The following AASDHPPT variants were observed in gnomAD, a reference collection of about 807,000 sequenced individuals.
The protein encoded by AASDHPPT is aminoadipate-semialdehyde dehydrogenase-phosphopantetheinyl transferase.
Under a neutral mutation model 36.4 loss-of-function variants are expected in AASDHPPT, and 23 were observed. The ratio of observed to expected loss-of-function variants is 0.63; its 90% confidence interval spans 0.45 to 0.89. The LOEUF (loss-of-function observed/expected upper bound fraction) is 0.89. Ranked by LOEUF, AASDHPPT falls within the 40% of genes least tolerant of loss-of-function variation. AASDHPPT has a pLI of 0.00. For missense variants in AASDHPPT, 377 were observed against 378.2 expected (o/e 1.00, Z 0.03); for synonymous variants, 115 against 128.0 (o/e 0.90, Z 0.68).
At chr11:106,079,749 G>T in intron 2 of AASDHPPT, 57 bp downstream of exon 2, 1 of 1,430,114 alleles carries the variant, frequency 7.0e-7, no homozygotes, top group Non-Finnish European at 9.8e-7. Flanking sequence ...CAGTTCTATT[G>T]CTATTGAGTA....
chr11:106,096,064 C>T (rs1324188326), intron 5 of AASDHPPT, among the ~76,000 whole-genome samples: 1 of 152,102 alleles, frequency 6.6e-6, no homozygotes, highest in Non-Finnish European at 1.5e-5. Context: ...TTTGCTCTTC[C>T]TGAGCCTCAG....
chr11:106,082,261 A>T (rs1020476653), intron 2 of AASDHPPT, among the ~76,000 whole-genome samples: 1 of 152,196 alleles, frequency 6.6e-6, no homozygotes. Context: ...CATGCTACTG[A>T]TTCCTGAAGC....
At position 106,098,338 on chromosome 11, in the gene AASDHPPT, A is replaced by G. The variant is rs929783148; in HGVS notation, c.*1431A>G. The G allele has an allele frequency of 1.3e-5, 2 of 152,140 alleles. No individual in the cohort carries two copies. The highest frequency in any genetic ancestry group is 4.8e-5 in the African/African-American group (2 of 41,454). The allele number at this position is 152,140 out of a possible 1,614,324, so 9.4% of individuals were successfully genotyped here. Reference sequence around the variant, plus strand: ...ACTTAATTTAAAGTGTGAACTTAATATATAAGATGCCAGGACCATCATATT... The same window carrying G: ...ACTTAATTTAAAGTGTGAACTTAATGTATAAGATGCCAGGACCATCATATT... On this transcript the variant is annotated 3_prime_UTR_variant, in exon 6 of 6. Coordinates refer to ENST00000278618, the MANE Select transcript of AASDHPPT (RefSeq NM_015423.3).
In AASDHPPT at chr11:106,084,945, T is replaced by C. The variant is rs1038072581; in HGVS notation, c.409+5253T>C. 3.3e-5 allele frequency among the ~76,000 whole-genome samples: 5 copies of C among 152,226 alleles called. No individual in the cohort carries two copies. The East Asian group carries it at 9.7e-4, about 30-fold the overall frequency. On this transcript the variant is annotated intron_variant, in intron 2 of 5. Transcript: ENST00000278618. ...TCCATATTTAAACAATATTCCCAGC[T>C]GATAGACATATTAATGTTTGGGAAA...
rs116748678 is a variant in AASDHPPT, at chr11:106,082,411, A to G, written c.409+2719A>G. Among the ~76,000 whole-genome samples the G allele has an allele frequency of 5.8e-3, 882 of 152,312 alleles. 9 individuals are homozygous for G. Among genetic ancestry groups the G allele is most frequent in the African/African-American group, 0.019 (794 of 41,566 alleles). ...GGATTTTTCCTAAGAGTCTTGCTAA[A>G]TGATGCTAGGCAAAACTTAGGAGAG... On this transcript the variant is annotated intron_variant, in intron 2 of 5. Transcript: ENST00000278618.
chr11:106,078,418 C>T (rs1861090835), intron 1 of AASDHPPT, among the ~76,000 whole-genome samples: 1 of 152,086 alleles, frequency 6.6e-6, no homozygotes, highest in South Asian at 2.1e-4. Flanking sequence ...GAGAGGATAC[C>T]TTCCTCACTA....
Position 106,088,818 on chromosome 11 carries a change from A to G in AASDHPPT, c.410-1739A>G, listed in dbSNP as rs1400209711. On this transcript the variant is annotated intron_variant, in intron 2 of 5. Coordinates refer to ENST00000278618, the MANE Select transcript of AASDHPPT (RefSeq NM_015423.3). ...TGAACTCTTAAGATCACAATTTAAT[A>G]TTTCGGTGCCTAAAAATGAATGAGG... Among the ~76,000 whole-genome samples, 3 of 152,212 alleles carry G rather than the reference A, an allele frequency of 2.0e-5. No homozygotes were observed. In the East Asian group the frequency reaches 5.8e-4, roughly 29 times the overall value.
chr11:106,084,855 A>G (rs9943675), intron 2 of AASDHPPT, among the ~76,000 whole-genome samples: 152,177 of 152,182 alleles, frequency 1, 76,086 homozygotes, highest in Middle Eastern at 1. Context: ...CCTCAGGTGA[A>G]CTGCCCGCCT....
rs767345048 is a variant in AASDHPPT at position 106,091,373 on chromosome 11, CG to C, written c.591del (p.Glu199AsnfsTer7). ...TGTTGGACTAGGATTTGAATTGCAG[CG>C]GCTTGAATTTGATCTATCTCCATTA... ...IGVGLGFELQ[R>X]LEFDLSPLNL... On this transcript the variant is annotated frameshift_variant, in exon 4 of 6. Coordinates refer to ENST00000278618, the MANE Select transcript of AASDHPPT (RefSeq NM_015423.3). LOFTEE classifies it high-confidence loss of function. The C allele has an allele frequency of 6.2e-7, 1 of 1,607,352 alleles. No individual in the cohort carries two copies. Among genetic ancestry groups the C allele is most frequent in the Non-Finnish European group, 8.5e-7 (1 of 1,177,180 alleles).
intron 5 of AASDHPPT, among the ~76,000 whole-genome samples, chr11:106,095,132 A>AG (rs1442200888): frequency 6.6e-6 from 1 of 152,230 alleles, no homozygotes; most frequent in Non-Finnish European, 1.5e-5. Flanking sequence ...CTCAAAAAAA[A>AG]GAAATGTTAC....
At chr11:106,090,412 T>G (rs1861243227) in intron 2 of AASDHPPT, 145 bp from the exon 3 acceptor site, 1 of 570,068 alleles carries the variant, frequency 1.8e-6, no homozygotes, top group South Asian at 3.1e-5. Context: ...TGCCGAGATT[T>G]TGTTTAGGAT....
chr11:106,080,501 C>G (rs977561163), intron 2 of AASDHPPT, among the ~76,000 whole-genome samples: 1 of 151,948 alleles, frequency 6.6e-6, no homozygotes, highest in South Asian at 2.1e-4. Context: ...TTGAATGTAC[C>G]CAGGCAATTT....
intron 1 of AASDHPPT, among the ~76,000 whole-genome samples, chr11:106,079,029 T>TA (rs1861100660): frequency 6.6e-6 from 1 of 152,124 alleles, no homozygotes; most frequent in African/African-American, 2.4e-5. Context: ...AAAGGGGAAA[T>TA]AATATTATGA....
intron 1 of AASDHPPT, among the ~76,000 whole-genome samples, chr11:106,078,528 C>G (rs1304944729): frequency 6.6e-6 from 1 of 152,162 alleles, no homozygotes; most frequent in Non-Finnish European, 1.5e-5. Context: ...GTAATCTGTA[C>G]AATATGGTGC....
rs1861318851 is a variant in AASDHPPT at position 106,096,811 on chromosome 11, G to A, written c.834G>A (p.Met278Ile). The A allele has an allele frequency of 6.2e-7, 1 of 1,611,236 alleles. No individual in the cohort carries two copies. Among genetic ancestry groups the A allele is most frequent in the Non-Finnish European group, 8.5e-7 (1 of 1,178,684 alleles). ...QFTILNFNDL[M>I]SSAVPMTPED... ...CTATTCTCAACTTTAATGATTTAAT[G>A]TCATCTGCCGTTCCCATGACACCTG... Residue 278 changes from methionine to isoleucine, a missense_variant, in exon 6 of 6, where the codon ATG (methionine) becomes ATA (isoleucine). Transcript: ENST00000278618.
intron 2 of AASDHPPT, among the ~76,000 whole-genome samples, chr11:106,085,359 C>T (rs1164932862): frequency 6.6e-6 from 1 of 152,146 alleles, no homozygotes; most frequent in Non-Finnish European, 1.5e-5. Flanking sequence ...CCTCGGCCTC[C>T]CAAAGTGCTG....
chr11:106,094,448 A>C, intron 4 of AASDHPPT, 135 bp from the exon 5 acceptor site: 2 of 534,484 alleles, frequency 3.7e-6, no homozygotes, highest in Non-Finnish European at 6.3e-6. Flanking sequence ...GGAAATATAT[A>C]TATGCACGCG....
chr11:106,082,761 T>G (rs956621873), intron 2 of AASDHPPT, among the ~76,000 whole-genome samples: 1 of 152,186 alleles, frequency 6.6e-6, no homozygotes, highest in Non-Finnish European at 1.5e-5. Context: ...AAGAATGGTG[T>G]TTTCCTGGTC....
At chr11:106,087,823 C>G (rs1838574133) in intron 2 of AASDHPPT, among the ~76,000 whole-genome samples, 1 of 152,110 alleles carries the variant, frequency 6.6e-6, no homozygotes, top group African/African-American at 2.4e-5. Context: ...TCAGGTTTTT[C>G]TAAATTTGAC....
Sources: allele counts gnomAD v4.1 joint callset (sites outside exome capture counted in the v4.1 genomes callset), GRCh38; gene constraint gnomAD v4.1.1; transcripts MANE v1.5; gene names NCBI Gene and HGNC (gene_info 2026-07-23, HGNC 2026-07-21).